The following NUP188 variants were observed in gnomAD, a reference collection of about 807,000 sequenced individuals.
NUP188 encodes the protein nucleoporin 188.
NUP188 carries 97 observed loss-of-function variants against 223.0 expected under a neutral mutation model. The ratio of observed to expected loss-of-function variants is 0.43; its 90% CI spans 0.37 to 0.51. NUP188 has a LOEUF of 0.51. Ranked by LOEUF, NUP188 falls within the 20% of genes least tolerant of loss-of-function variation. The pLI is 0.00. For synonymous variants in NUP188, 869 were observed against 828.0 expected, an observed-to-expected ratio of 1.05 and a Z score of -0.85; for missense variants, 1,947 against 2,175.6, an observed-to-expected ratio of 0.89 and a Z score of 2.09.
Position 129,002,915 on chromosome 9 carries a change from C to T in NUP188, c.4236C>T (p.Arg1412=), listed in dbSNP as rs377463422. Residue 1412 remains arginine, a synonymous_variant, in exon 37 of 44, where the codon CGC becomes CGT. Transcript: ENST00000372577. The part of the protein sequence containing the change: ...SLMEQLLKTL[R]YNFLPEALDF... ...TGGAGCAGCTGCTCAAAACTCTGCG[C>T]TACAACTTCCTGCCTGAGGCCCTGG... is the stretch of plus-strand genomic sequence containing the variant. 3.1e-5 allele frequency: 50 copies of T among 1,614,120 alleles called. 1 individual carries two copies. Among genetic ancestry groups the T allele is most frequent in the Admixed American group, 1.0e-4 (6 of 60,010 alleles).
Position 128,993,032 on chromosome 9 carries a change from C to T in NUP188, c.2641-165C>T, listed in dbSNP as rs17485576. 250 of 610,440 alleles carry T rather than the reference C, an allele frequency of 4.1e-4. 1 individual carries two copies. In the African/African-American group the frequency reaches 4.4e-3, roughly 11 times the overall value. 37.8% of individuals were successfully genotyped at this position (610,440 alleles called of 1,614,324 possible). On this transcript the variant is annotated intron_variant, in intron 25 of 43. Coordinates refer to ENST00000372577, the MANE Select transcript of NUP188 (RefSeq NM_015354.3). ...ACTGTCTTTCCTGTGAATTTGCGGGCATCTCATGCTTGTTTGTGGTGATGT... is the reference window on the plus strand; with the variant it reads ...ACTGTCTTTCCTGTGAATTTGCGGGTATCTCATGCTTGTTTGTGGTGATGT...
intron 5 of NUP188, among the ~76,000 whole-genome samples, chr9:128,957,737 T>C (rs1322166955): frequency 2.0e-5 from 3 of 152,160 alleles, no homozygotes; most frequent in Non-Finnish European, 4.4e-5. Context: ...GTACTTGGAT[T>C]ACAGGCGTGA....
At chr9:128,963,941 C>T (rs955636109) in intron 8 of NUP188, among the ~76,000 whole-genome samples, 3 of 151,782 alleles carry the variant, frequency 2.0e-5, no homozygotes, top group South Asian at 2.1e-4. Flanking sequence ...CTCAGCCTCC[C>T]GAGTAGCTGG....
rs113831845 is a variant in NUP188, at chr9:128,993,587, G to A, written c.2910G>A (p.Gln970=). 3.5e-5 allele frequency: 56 copies of A among 1,614,146 alleles called. No homozygotes were observed. In the African/African-American group the frequency reaches 6.4e-4, roughly 18 times the overall value. Residue 970 remains glutamine (Q), a synonymous_variant, in exon 27 of 44, where the codon CAG becomes CAA. Coordinates refer to ENST00000372577, the MANE Select transcript of NUP188 (RefSeq NM_015354.3). ...TGCTGGAGCTGATTGATTCCCAACA[G>A]CAAGATCGATACTGGTGCCCACCCC... The part of the protein sequence containing the change: ...HAVLELIDSQ[Q]QDRYWCPPLL...
At chr9:128,958,080 C>G (rs1241170273) in intron 6 of NUP188, 26 bp downstream of exon 6, 20 of 1,594,020 alleles carry the variant, frequency 1.3e-5, no homozygotes, top group Non-Finnish European at 1.7e-5. Flanking sequence ...CATTTCTATT[C>G]TTTGATGTAA....
intron 27 of NUP188, among the ~76,000 whole-genome samples, 199 bp from the exon 28 acceptor site, chr9:128,994,174 C>T (rs546588187): frequency 6.6e-6 from 1 of 152,242 alleles, no homozygotes; most frequent in East Asian, 1.9e-4. Flanking sequence ...CTCTATAATG[C>T]ATAAGTGTGA....
At chr9:128,990,086 C>T (rs745745653) in intron 24 of NUP188, 34 bp from the exon 25 acceptor site, 1 of 1,501,048 alleles carries the variant, frequency 6.7e-7, no homozygotes, top group Admixed American at 1.7e-5. Context: ...ATTAGGCACA[C>T]TTGATATCTA....
At chr9:128,965,588 G>A (rs140693247) in intron 8 of NUP188, among the ~76,000 whole-genome samples, 129 of 152,116 alleles carry the variant, frequency 8.5e-4, no homozygotes, top group Non-Finnish European at 1.5e-3. Flanking sequence ...AAGTAGATGG[G>A]AGTACAGGTG....
chr9:128,972,102 G>A (rs1355990822), intron 11 of NUP188, among the ~76,000 whole-genome samples: 1 of 152,184 alleles, frequency 6.6e-6, no homozygotes, highest in African/African-American at 2.4e-5. Context: ...TGGTTGGTAC[G>A]CATTTGCCCA....
chr9:128,986,485 G>A, intron 20 of NUP188, 73 bp from the exon 21 acceptor site: 3 of 1,511,186 alleles, frequency 2.0e-6, no homozygotes, highest in Non-Finnish European at 2.7e-6. Flanking sequence ...TATGGTTTTG[G>A]AATTAAATCT....
At chr9:129,006,428 TG>T in intron 43 of NUP188, 60 bp downstream of exon 43, 1 of 1,612,672 alleles carries the variant, frequency 6.2e-7, no homozygotes, top group Admixed American at 1.7e-5. Context: ...TGTGGGGTCC[TG>T]CCTGGCAACC....
intron 22 of NUP188, among the ~76,000 whole-genome samples, chr9:128,987,129 GTGTA>G (rs1472755081): frequency 6.8e-6 from 1 of 147,026 alleles, no homozygotes; most frequent in Admixed American, 6.8e-5. Flanking sequence ...GTGTGTGTGT[GTGTA>G]TGTGTATACA....
chr9:128,982,551 G>A lies in NUP188; in HGVS notation c.1519G>A (p.Gly507Ser), dbSNP rs763933518. ...ACTAATTTATCTTTCTCTCTCAGGG[G>A]GTCAAACCAACCTTCGCATACCTCA... ...QTPKLLYPLG[G>S]QTNLRIPQGT... The change falls in exon 16 of 44, where the codon GGT becomes AGT. Residue 507 changes from glycine to serine, a missense_variant and splice_region_variant. Transcript: ENST00000372577. 5 of 1,609,718 alleles carry A rather than the reference G, an allele frequency of 3.1e-6. No individual in the cohort carries two copies. The highest frequency in any genetic ancestry group is 4.5e-5 in the East Asian group (2 of 44,886).
chr9:129,000,554 G>A (rs765891374), intron 34 of NUP188, among the ~76,000 whole-genome samples: 14 of 151,662 alleles, frequency 9.2e-5, no homozygotes, highest in Middle Eastern at 3.4e-3. Context: ...TCCTGACCTC[G>A]TAATCCGCCC....
chr9:128,954,549 T>C (rs1207603588), intron 3 of NUP188, among the ~76,000 whole-genome samples: 3 of 151,994 alleles, frequency 2.0e-5, no homozygotes, highest in African/African-American at 7.3e-5. Context: ...CACGCCTGGC[T>C]AATTTTTTGT....
chr9:128,999,126 T>TA, intron 32 of NUP188, 46 bp from the exon 33 acceptor site: 2 of 1,572,900 alleles, frequency 1.3e-6, no homozygotes, highest in Non-Finnish European at 1.7e-6. Flanking sequence ...GTGCTAGGAT[T>TA]ACAGGCATGA....
intron 8 of NUP188, among the ~76,000 whole-genome samples, chr9:128,967,249 G>T (rs1393069868): frequency 6.6e-5 from 10 of 152,058 alleles, no homozygotes; most frequent in Admixed American, 5.9e-4. Flanking sequence ...GCCTCAAACA[G>T]TCCTCCCACT....
Position 128,983,160 on chromosome 9 carries a change from A to G in NUP188, c.1796+132A>G, listed in dbSNP as rs1009929128. 135 of 1,426,836 alleles carry G rather than the reference A, an allele frequency of 9.5e-5. No individual in the cohort carries two copies. In the African/African-American group the frequency reaches 1.6e-3, roughly 17 times the overall value. 88.4% of individuals were successfully genotyped at this position (1,426,836 alleles called of 1,614,324 possible). A position where few individuals can be genotyped will look rare whatever the true frequency, so the allele number is the denominator to read the frequency against. Reference sequence around the variant, plus strand: ...TATTCCTTGGTTTTCCTGTTTTTATATCTGTGAGGGTTTTCCTGTTTTTAT... The same window carrying G: ...TATTCCTTGGTTTTCCTGTTTTTATGTCTGTGAGGGTTTTCCTGTTTTTAT... On this transcript the variant is annotated intron_variant, in intron 17 of 43. Transcript: ENST00000372577.
chr9:128,980,130 C>A (rs965705499), intron 13 of NUP188, among the ~76,000 whole-genome samples: 21 of 152,194 alleles, frequency 1.4e-4, no homozygotes, highest in African/African-American at 4.8e-4. Context: ...ACAACAGTCT[C>A]AAACCTCAAG....
Sources: allele counts gnomAD v4.1 joint callset (sites outside exome capture counted in the v4.1 genomes callset), GRCh38; gene constraint gnomAD v4.1.1; transcripts MANE v1.5; gene names NCBI Gene and HGNC (gene_info 2026-07-23, HGNC 2026-07-21).